Variants in KHDRBS2 observed in about 807,000 individuals in gnomAD.
The protein encoded by KHDRBS2 is KH domain-containing, RNA-binding, signal transduction-associated protein 2.
A neutral mutation model predicts 44.3 loss-of-function variants in KHDRBS2; 26 were observed. The observed-to-expected ratio is 0.59, with a 90% CI of 0.43 to 0.81. The LOEUF is 0.81. Ranked by LOEUF, KHDRBS2 falls within the 40% of genes least tolerant of loss-of-function variation. The pLI is 0.00. For synonymous variants in KHDRBS2, 194 were observed against 151.1 expected, an observed-to-expected ratio of 1.28 and a Z score of -2.08; for missense variants, 476 against 433.1, an observed-to-expected ratio of 1.10 and a Z score of -0.88.
At chr6:61,944,035 GGAGAA>G (rs1343090922) in intron 4 of KHDRBS2, among the ~76,000 whole-genome samples, 1 of 152,086 alleles carries the variant, frequency 6.6e-6, no homozygotes, top group African/African-American at 2.4e-5. Context: ...GTGAGGTTGT[GGAGAA>G]GAGGGAACAC....
At chr6:62,070,685 C>T (rs932946974) in intron 2 of KHDRBS2, among the ~76,000 whole-genome samples, 1 of 152,056 alleles carries the variant, frequency 6.6e-6, no homozygotes, top group African/African-American at 2.4e-5. Context: ...TTTTTTATGG[C>T]TGCATAGTAT....
the KHDRBS2 span, among the ~76,000 whole-genome samples, chr6:61,595,957 T>A: frequency 6.6e-6 from 1 of 152,144 alleles, no homozygotes; most frequent in African/African-American, 2.4e-5. Flanking sequence ...ATCTTGGGTT[T>A]CAAGTACCCA....
At chr6:61,705,441 C>A (rs1463288152) in intron 7 of KHDRBS2, among the ~76,000 whole-genome samples, 1 of 151,754 alleles carries the variant, frequency 6.6e-6, no homozygotes, top group Admixed American at 6.6e-5. Flanking sequence ...GTTTACATAA[C>A]CTTTCTTATT....
chr6:61,945,583 T>C (rs1051570761), intron 4 of KHDRBS2, among the ~76,000 whole-genome samples: 1 of 152,122 alleles, frequency 6.6e-6, no homozygotes, highest in African/African-American at 2.4e-5. Flanking sequence ...AGAAACTTTT[T>C]TGCAATGTTT....
intron 3 of KHDRBS2, among the ~76,000 whole-genome samples, chr6:62,029,086 A>G (rs1783881914): frequency 6.6e-6 from 1 of 152,160 alleles, no homozygotes; most frequent in South Asian, 2.1e-4. Flanking sequence ...AGTTAACTGT[A>G]GTTATGAATT....
the KHDRBS2 span, among the ~76,000 whole-genome samples, chr6:61,566,536 T>C: frequency 9.4e-4 from 143 of 152,272 alleles, 1 homozygote; most frequent in African/African-American, 3.3e-3. Flanking sequence ...GTAATCATGA[T>C]GTAATCACCA....
chr6:61,988,278 T>C (rs1386247050), intron 3 of KHDRBS2, among the ~76,000 whole-genome samples: 10 of 152,180 alleles, frequency 6.6e-5, no homozygotes, highest in Non-Finnish European at 1.0e-4. Context: ...CTTGACCAAA[T>C]GGAATCTACA....
chr6:61,648,298 G>A, the KHDRBS2 span, among the ~76,000 whole-genome samples: 1 of 151,994 alleles, frequency 6.6e-6, no homozygotes, highest in Admixed American at 6.6e-5. Flanking sequence ...ATACATGTGA[G>A]TTCAATATCC....
In KHDRBS2 at chr6:62,059,789, T is replaced by C. The variant is rs189431912; in HGVS notation, c.220-11795A>G. 3.8e-3 allele frequency among the ~76,000 whole-genome samples: 583 copies of C among 151,594 alleles called. 2 individuals carry two copies. The highest frequency in any genetic ancestry group is 0.014 in the African/African-American group (565 of 41,348). On this transcript the variant is annotated intron_variant, in intron 2 of 8. Transcript: ENST00000281156. Reference sequence around the variant, plus strand: ...TCATGAAATTGCTAAGGGAGAAGGATAGCATAGGAAAGAAACTTGAGGAAC... The same window carrying C: ...TCATGAAATTGCTAAGGGAGAAGGACAGCATAGGAAAGAAACTTGAGGAAC...
chr6:61,723,097 G>T (rs950845712), intron 7 of KHDRBS2, among the ~76,000 whole-genome samples: 3 of 151,710 alleles, frequency 2.0e-5, no homozygotes, highest in Admixed American at 6.6e-5. Flanking sequence ...AGGCAACTAG[G>T]GTCTGAAGCA....
chr6:62,188,403 C>T (rs1563028717), intron 1 of KHDRBS2, among the ~76,000 whole-genome samples: 2 of 152,070 alleles, frequency 1.3e-5, no homozygotes, highest in East Asian at 1.9e-4. Context: ...AATCATGTAG[C>T]GATTGTCCTT....
intron 6 of KHDRBS2, among the ~76,000 whole-genome samples, chr6:61,766,110 C>CTT (rs35703613): frequency 6.5e-4 from 97 of 150,108 alleles, no homozygotes; most frequent in East Asian, 3.5e-3. Context: ...CGTGTTCAGG[C>CTT]TTTTTTTTTG....
intron 2 of KHDRBS2, among the ~76,000 whole-genome samples, chr6:62,107,459 A>G (rs916210418): frequency 1.6e-4 from 25 of 152,138 alleles, no homozygotes; most frequent in African/African-American, 5.8e-4. Flanking sequence ...CAAACAAACG[A>G]AAGAACATTC....
At chr6:61,850,601 T>C (rs955499403) in intron 6 of KHDRBS2, among the ~76,000 whole-genome samples, 1 of 152,160 alleles carries the variant, frequency 6.6e-6, no homozygotes, top group Non-Finnish European at 1.5e-5. Flanking sequence ...AAAAGGTCAA[T>C]CATGAAGGTC....
At chr6:62,188,093 G>C (rs1181518016) in intron 1 of KHDRBS2, among the ~76,000 whole-genome samples, 1 of 152,006 alleles carries the variant, frequency 6.6e-6, no homozygotes, top group East Asian at 1.9e-4. Context: ...ACCAGAGCAA[G>C]AGCTCACTCA....
At chr6:61,866,623 C>G (rs1797843587) in intron 6 of KHDRBS2, among the ~76,000 whole-genome samples, 1 of 152,196 alleles carries the variant, frequency 6.6e-6, no homozygotes, top group African/African-American at 2.4e-5. Context: ...ATTTTCTTTT[C>G]TATCACATTA....
chr6:62,063,839 TG>T (rs1792762061), intron 2 of KHDRBS2, among the ~76,000 whole-genome samples: 1 of 134,136 alleles, frequency 7.5e-6, no homozygotes, highest in Non-Finnish European at 1.6e-5. Context: ...GAAGTCAAAT[TG>T]TCCCTGTTTG....
At chr6:62,003,994 A>T (rs1778742846) in intron 3 of KHDRBS2, among the ~76,000 whole-genome samples, 2 of 152,234 alleles carry the variant, frequency 1.3e-5, no homozygotes, top group Admixed American at 1.3e-4. Context: ...TCTGGGACAC[A>T]TTTAAAGCAG....
At chr6:61,652,512 A>G in the KHDRBS2 span, among the ~76,000 whole-genome samples, 5 of 152,104 alleles carry the variant, frequency 3.3e-5, no homozygotes, top group Non-Finnish European at 4.4e-5. Context: ...ACATGTGTAT[A>G]TAGTTACAAA....
Sources: gnomAD v4.1 joint callset for allele counts (sites outside exome capture counted in the v4.1 genomes callset) on GRCh38, gnomAD v4.1.1 for gene constraint, MANE v1.5 for transcripts, NCBI Gene and HGNC (gene_info 2026-07-23, HGNC 2026-07-21) for gene names.